The following CA8 variants were observed in gnomAD, a reference collection of about 807,000 sequenced individuals.
CA8 encodes the protein carbonic anhydrase 8 (inactive), also known as carbonic anhydrase-related protein.
Under a neutral mutation model 41.4 loss-of-function variants are expected in CA8, and 22 were observed. The ratio of observed to expected loss-of-function variants is 0.53; its 90% CI spans 0.38 to 0.76. CA8 has a LOEUF of 0.76. Ranked by LOEUF, CA8 falls within the 30% of genes least tolerant of loss-of-function variation. The pLI is 0.00. For synonymous variants in CA8, 121 were observed against 130.6 expected, an observed-to-expected ratio of 0.93 and a Z score of 0.50; for missense variants, 270 against 352.8, an observed-to-expected ratio of 0.77 and a Z score of 1.88.
chr8:60,240,454 CT>C (rs1807984044), intron 3 of CA8, among the ~76,000 whole-genome samples: 2 of 152,182 alleles, frequency 1.3e-5, no homozygotes, highest in African/African-American at 4.8e-5. Context: ...TCACCTTTGA[CT>C]TTTTAATATT....
chr8:60,238,576 A>AC lies in CA8; in HGVS notation c.418-6198dup, dbSNP rs527738957. On this transcript the variant is annotated intron_variant, in intron 3 of 8. Coordinates refer to ENST00000317995, the MANE Select transcript of CA8 (RefSeq NM_004056.6). ...CCGCTTGCCAGGCTTGAGACCTGGG[A>AC]CCCCCGTGCCTTTATCTCCAGAGCT... Among the ~76,000 whole-genome samples the AC allele has an allele frequency of 3.9e-3, 600 of 152,020 alleles. 6 individuals carry two copies. Among genetic ancestry groups the AC allele is most frequent in the African/African-American group, 0.014 (569 of 41,460 alleles).
intron 4 of CA8, among the ~76,000 whole-genome samples, chr8:60,230,322 C>G (rs148788871): frequency 6.6e-6 from 1 of 152,154 alleles, no homozygotes; most frequent in Non-Finnish European, 1.5e-5. Context: ...ATCAGTGACA[C>G]CCTCTCTTTC....
chr8:60,208,623 T>C lies in CA8; in HGVS notation c.*35+127A>G, dbSNP rs1419250045. On this transcript the variant is annotated intron_variant, in intron 8 of 8. Transcript: ENST00000317995. ...ATTAACAGAGCTCAAGAATGTGTCATAAATTTTATCAAGATGAAGTACATA... is the reference window on the plus strand; with the variant it reads ...ATTAACAGAGCTCAAGAATGTGTCACAAATTTTATCAAGATGAAGTACATA... The C allele has an allele frequency of 6.1e-6, 5 of 815,040 alleles. No individual in the cohort carries two copies. The African/African-American group carries it at 8.4e-5, about 14-fold the overall frequency. The allele number at this position is 815,040 out of a possible 1,614,324, so 50.5% of individuals were successfully genotyped here. A position where few individuals can be genotyped will look rare whatever the true frequency, so the allele number is the denominator to read the frequency against.
chr8:60,242,409 G>C (rs975240402), intron 3 of CA8, among the ~76,000 whole-genome samples: 3 of 152,204 alleles, frequency 2.0e-5, no homozygotes, highest in African/African-American at 4.8e-5. Context: ...AAGTGACAGA[G>C]ACAGACTGTG....
chr8:60,222,910 A>G, intron 6 of CA8, 149 bp from the exon 7 acceptor site: 1 of 687,596 alleles, frequency 1.5e-6, no homozygotes, highest in South Asian at 1.6e-5. Flanking sequence ...ACAGTCTTAC[A>G]CTACTCATTG....
intron 2 of CA8, among the ~76,000 whole-genome samples, chr8:60,272,395 A>C (rs1047333891): frequency 9.2e-5 from 14 of 152,162 alleles, no homozygotes; most frequent in Non-Finnish European, 1.8e-4. Context: ...CCTACAAAAA[A>C]AAAAAAGAAA....
At chr8:60,265,282 G>A (rs942458607) in intron 3 of CA8, 10 of 152,916 alleles carry the variant, frequency 6.5e-5, no homozygotes, top group Non-Finnish European at 8.7e-5. Context: ...TGGGGCCAGC[G>A]CCATGGCAGT....
At chr8:60,243,271 T>C (rs777271893) in intron 3 of CA8, among the ~76,000 whole-genome samples, 5 of 151,962 alleles carry the variant, frequency 3.3e-5, no homozygotes, top group Admixed American at 6.6e-5. Flanking sequence ...CTCCTGCCAG[T>C]CCTTCCTCCC....
chr8:60,281,227 A>G lies in CA8; in HGVS notation c.-80T>C. On this transcript the variant is annotated 5_prime_UTR_variant, in exon 1 of 9. Coordinates refer to ENST00000317995, the MANE Select transcript of CA8 (RefSeq NM_004056.6). The stretch of plus-strand genomic sequence containing the variant: ...GGGCGCGGGGCTGGAGCCGGAGCGG[A>G]GCGCGCGTGGGGGAGTGTGAGCACG... 1 of 1,028,368 alleles carries G rather than the reference A, an allele frequency of 9.7e-7. No homozygotes were observed. Among genetic ancestry groups the G allele is most frequent in the East Asian group, 2.6e-5 (1 of 38,402 alleles). The allele number at this position is 1,028,368 out of a possible 1,614,324, so 63.7% of individuals were successfully genotyped here.
Position 60,224,448 on chromosome 8 carries a change from A to T in CA8, c.625+89T>A, listed in dbSNP as rs550022900. 18 of 801,350 alleles carry T rather than the reference A, an allele frequency of 2.2e-5. No individual in the cohort carries two copies. The East Asian group carries it at 4.4e-4, about 20-fold the overall frequency. The allele number at this position is 801,350 out of a possible 1,614,324, so 49.6% of individuals were successfully genotyped here. The stretch of plus-strand genomic sequence containing the variant: ...AAATTGCAAATAAGTTTTATTAATT[A>T]ACAATATATAGTTTTACATAGTCTG... On this transcript the variant is annotated intron_variant, in intron 6 of 8. Coordinates refer to ENST00000317995, the MANE Select transcript of CA8 (RefSeq NM_004056.6).
chr8:60,274,849 G>A (rs969655295), intron 2 of CA8, among the ~76,000 whole-genome samples: 3 of 152,222 alleles, frequency 2.0e-5, no homozygotes, highest in South Asian at 2.1e-4. Context: ...ACTAAGACAC[G>A]AGAAAAGACT....
intron 4 of CA8, among the ~76,000 whole-genome samples, chr8:60,231,536 A>G (rs916612120): frequency 2.4e-4 from 37 of 152,230 alleles, no homozygotes; most frequent in Admixed American, 2.4e-3. Flanking sequence ...ATCCCAGGTT[A>G]TCCAATAGGC....
At chr8:60,209,449 C>G (rs944973905) in intron 7 of CA8, among the ~76,000 whole-genome samples, 2 of 152,216 alleles carry the variant, frequency 1.3e-5, no homozygotes, top group Non-Finnish European at 2.9e-5. Flanking sequence ...CACACCGTTG[C>G]ACTCCAGCCT....
intron 7 of CA8, among the ~76,000 whole-genome samples, chr8:60,217,427 A>T (rs1361866056): frequency 6.6e-6 from 1 of 152,072 alleles, no homozygotes; most frequent in Non-Finnish European, 1.5e-5. Context: ...GGCTTCTCTA[A>T]CCATCACATG....
intron 3 of CA8, among the ~76,000 whole-genome samples, chr8:60,243,453 G>T (rs73683401): frequency 0.13 from 19,344 of 150,334 alleles, 2,589 homozygotes; most frequent in African/African-American, 0.35. Flanking sequence ...AAAAATTCCT[G>T]GACCTCACAT....
At chr8:60,219,448 G>A (rs895321930) in intron 7 of CA8, among the ~76,000 whole-genome samples, 26 of 152,110 alleles carry the variant, frequency 1.7e-4, no homozygotes, top group African/African-American at 5.6e-4. Context: ...GAGCCACCGC[G>A]CCCGGCCTAT....
chr8:60,252,854 C>T (rs1268443998), intron 3 of CA8, among the ~76,000 whole-genome samples: 1 of 151,836 alleles, frequency 6.6e-6, no homozygotes, highest in African/African-American at 2.4e-5. Context: ...ATTCAAAATC[C>T]AAAATACTTC....
intron 3 of CA8, among the ~76,000 whole-genome samples, chr8:60,240,965 G>A (rs1038628461): frequency 2.0e-5 from 3 of 152,126 alleles, no homozygotes; most frequent in African/African-American, 7.2e-5. Flanking sequence ...GGAAAAAAAG[G>A]GGGAAAAGGA....
chr8:60,199,080 A>T (rs187155192), intron 8 of CA8, among the ~76,000 whole-genome samples: 1 of 152,266 alleles, frequency 6.6e-6, no homozygotes, highest in East Asian at 1.9e-4. Context: ...AAAGGAAAAA[A>T]AAATCTTGGA....
Sources: allele counts gnomAD v4.1 joint callset (sites outside exome capture counted in the v4.1 genomes callset), GRCh38; gene constraint gnomAD v4.1.1; transcripts MANE v1.5; gene names NCBI Gene and HGNC (gene_info 2026-07-23, HGNC 2026-07-21).